PTGFR: variants seen among roughly 807,000 people sequenced by gnomAD.
The protein encoded by PTGFR is prostaglandin F receptor, also known as prostaglandin F2-alpha receptor.
In PTGFR, 15 loss-of-function variants were observed where a neutral mutation model predicts 26.2. The observed-to-expected ratio is 0.57, with a 90% CI of 0.38 to 0.88. The LOEUF (loss-of-function observed/expected upper bound fraction) is 0.88. Ranked by LOEUF, PTGFR falls within the 40% of genes least tolerant of loss-of-function variation. The probability of loss-of-function intolerance (pLI) is 0.00; values close to 1 mark genes in which losing one functional copy is unlikely to be tolerated. For missense variants in PTGFR, 369 were observed against 427.2 expected (o/e 0.86, Z 1.20); for synonymous variants, 165 against 151.1 (o/e 1.09, Z -0.68).
intron 2 of PTGFR, among the ~76,000 whole-genome samples, chr1:78,517,261 C>A (rs902039812): frequency 6.6e-6 from 1 of 152,078 alleles, no homozygotes; most frequent in African/African-American, 2.4e-5. Flanking sequence ...GTGTAAGATA[C>A]TGTTCTAGAT....
At chr1:78,519,800 G>A (rs1455859818) in intron 2 of PTGFR, among the ~76,000 whole-genome samples, 1 of 152,090 alleles carries the variant, frequency 6.6e-6, no homozygotes, top group Non-Finnish European at 1.5e-5. Context: ...AAGGGCTCCT[G>A]AGTTCATATA....
chr1:78,519,448 T>A (rs1192115213), intron 2 of PTGFR, among the ~76,000 whole-genome samples: 3 of 152,150 alleles, frequency 2.0e-5, no homozygotes, highest in Non-Finnish European at 4.4e-5. Context: ...TCACATAATA[T>A]CTGGTAAGCA....
Position 78,536,899 on chromosome 1 carries a change from A to C in PTGFR, c.*212A>C. On this transcript the variant is annotated 3_prime_UTR_variant, in exon 3 of 3. Coordinates refer to ENST00000370757, the MANE Select transcript of PTGFR (RefSeq NM_000959.4). ...TTGTTTTTGCCAATGGGAGGTAGAC[A>C]CAATAAAATAATGCCATGGGAGTCA... 1.8e-6 allele frequency: 1 copy of C among 555,734 alleles called. No homozygotes were observed. 34.4% of individuals were successfully genotyped at this position (555,734 alleles called of 1,614,324 possible).
chr1:78,501,558 C>T (rs910381877), intron 2 of PTGFR, among the ~76,000 whole-genome samples: 9 of 152,106 alleles, frequency 5.9e-5, no homozygotes, highest in African/African-American at 2.2e-4. Flanking sequence ...TTTTCTCACT[C>T]CTCCTCAGCT....
chr1:78,512,392 C>G (rs1364568350), intron 2 of PTGFR, among the ~76,000 whole-genome samples: 1 of 152,036 alleles, frequency 6.6e-6, no homozygotes, highest in African/African-American at 2.4e-5. Flanking sequence ...GCCAGCTGTG[C>G]TCAGTGTCTG....
intron 2 of PTGFR, among the ~76,000 whole-genome samples, chr1:78,535,637 C>G (rs143884569): frequency 2.0e-3 from 300 of 152,176 alleles, no homozygotes; most frequent in African/African-American, 6.8e-3. Flanking sequence ...GTTTGGAAGT[C>G]AAAGCTGGGA....
At chr1:78,492,526 A>T in intron 1 of PTGFR, 146 bp from the exon 2 acceptor site, 9 of 494,978 alleles carry the variant, frequency 1.8e-5, no homozygotes, top group Non-Finnish European at 3.2e-5. Context: ...CCGCAGGCAG[A>T]TATGAGCTGC....
chr1:78,508,843 T>TG (rs1278951371), intron 2 of PTGFR, among the ~76,000 whole-genome samples: 2 of 152,342 alleles, frequency 1.3e-5, no homozygotes, highest in East Asian at 3.9e-4. Flanking sequence ...TAGTATATAA[T>TG]TTTTGTCATT....
At chr1:78,507,306 C>A (rs368493875) in intron 2 of PTGFR, among the ~76,000 whole-genome samples, 2 of 152,082 alleles carry the variant, frequency 1.3e-5, no homozygotes, top group Non-Finnish European at 2.9e-5. Context: ...CAAGAATTTG[C>A]CTGCTTTTGG....
intron 2 of PTGFR, among the ~76,000 whole-genome samples, chr1:78,501,007 T>C (rs996015624): frequency 1.6e-4 from 24 of 152,186 alleles, no homozygotes; most frequent in African/African-American, 5.1e-4. Flanking sequence ...CATGACCTTT[T>C]TTTTTTAAGA....
intron 2 of PTGFR, among the ~76,000 whole-genome samples, chr1:78,526,118 C>T (rs183843210): frequency 1.3e-5 from 2 of 152,058 alleles, no homozygotes; most frequent in African/African-American, 4.8e-5. Context: ...AAAAAAAGGT[C>T]CTGCCCAACA....
intron 2 of PTGFR, among the ~76,000 whole-genome samples, chr1:78,508,488 A>G (rs1009919689): frequency 2.0e-5 from 3 of 151,818 alleles, no homozygotes; most frequent in Admixed American, 6.6e-5. Context: ...AGCTGTCATG[A>G]CCCCCTTTAC....
At chr1:78,531,822 G>T (rs1424651813) in intron 2 of PTGFR, among the ~76,000 whole-genome samples, 1 of 151,996 alleles carries the variant, frequency 6.6e-6, no homozygotes, top group Non-Finnish European at 1.5e-5. Flanking sequence ...AGAGGAGTAG[G>T]ATTTGAGAAA....
intron 2 of PTGFR, among the ~76,000 whole-genome samples, chr1:78,527,134 G>A (rs1302441722): frequency 6.6e-6 from 1 of 152,082 alleles, no homozygotes; most frequent in Non-Finnish European, 1.5e-5. Flanking sequence ...TTAAAAGACT[G>A]TTGGTCAGAA....
chr1:78,534,130 T>C (rs1373471455), intron 2 of PTGFR, among the ~76,000 whole-genome samples: 2 of 152,174 alleles, frequency 1.3e-5, no homozygotes, highest in Non-Finnish European at 2.9e-5. Context: ...GAAGAGATTT[T>C]AGAAAATAAC....
At chr1:78,535,380 G>A (rs1285795628) in intron 2 of PTGFR, among the ~76,000 whole-genome samples, 1 of 152,104 alleles carries the variant, frequency 6.6e-6, no homozygotes, top group Non-Finnish European at 1.5e-5. Context: ...GACAATGAAG[G>A]TTTTGATAAA....
chr1:78,512,855 G>T (rs561638102), intron 2 of PTGFR, among the ~76,000 whole-genome samples: 3 of 152,058 alleles, frequency 2.0e-5, no homozygotes, highest in African/African-American at 7.2e-5. Flanking sequence ...GTGATATCTG[G>T]CATGATATCT....
In PTGFR at chr1:78,521,933, T is replaced by C. The variant is rs1434714851; in HGVS notation, c.799-14473T>C. The stretch of plus-strand genomic sequence containing the variant: ...ATAACTTGGCAGCATGAAACAGCGC[T>C]CATCTTATCTCACAGTTCTGTAGGT... On this transcript the variant is annotated intron_variant, in intron 2 of 2. Transcript: ENST00000370757. 2.0e-5 allele frequency among the ~76,000 whole-genome samples: 3 copies of C among 152,110 alleles called. No individual in the cohort carries two copies. In the East Asian group the frequency reaches 5.8e-4, roughly 29 times the overall value.
chr1:78,515,554 T>C (rs940947779), intron 2 of PTGFR, among the ~76,000 whole-genome samples: 1 of 152,232 alleles, frequency 6.6e-6, no homozygotes, highest in Non-Finnish European at 1.5e-5. Flanking sequence ...AATATGTTAC[T>C]ACAGCACATT....
Sources: gnomAD v4.1 joint callset for allele counts (sites outside exome capture counted in the v4.1 genomes callset) on GRCh38, gnomAD v4.1.1 for gene constraint, MANE v1.5 for transcripts, NCBI Gene and HGNC (gene_info 2026-07-23, HGNC 2026-07-21) for gene names.